KIFC3: variants seen among roughly 807,000 people sequenced by gnomAD.
KIFC3 encodes kinesin family member C3, also known as kinesin-like protein KIFC3.
KIFC3 carries 60 observed loss-of-function variants against 101.8 expected under a neutral mutation model. The ratio of observed to expected loss-of-function variants is 0.59; its 90% CI spans 0.48 to 0.73. The LOEUF (loss-of-function observed/expected upper bound fraction) is 0.73. KIFC3 is among the 30% of genes least tolerant of loss of function. The probability of loss-of-function intolerance (pLI) is 0.00; values close to 1 mark genes in which losing one functional copy is unlikely to be tolerated. For missense variants in KIFC3, 966 were observed against 1,137.1 expected (o/e 0.85, Z 2.16); for synonymous variants, 476 against 482.7 (o/e 0.99, Z 0.18).
intron 3 of KIFC3, chr16:57,785,278 A>G (rs1404154935): frequency 5.5e-6 from 1 of 182,126 alleles, no homozygotes; most frequent in Non-Finnish European, 1.2e-5. Flanking sequence ...GCATCTCAAA[A>G]GCGCATCCTC....
Position 57,785,722 on chromosome 16 carries a change from G to A in KIFC3, c.315+9277C>T, listed in dbSNP as rs560480506. The A allele has an allele frequency of 6.0e-4, 654 of 1,082,462 alleles. 2 individuals carry two copies. Among genetic ancestry groups the A allele is most frequent in the Non-Finnish European group, 6.3e-4 (532 of 841,694 alleles). 67.1% of individuals were successfully genotyped at this position (1,082,462 alleles called of 1,614,324 possible). ...CAGCAGAGGTCCCACGCTGGCAGAG[G>A]AGGGGGTCCATCACAGCAAGACAGA... is the stretch of plus-strand genomic sequence containing the variant. On this transcript the variant is annotated intron_variant, in intron 3 of 19. Coordinates refer to ENST00000445690, the MANE Select transcript of KIFC3 (RefSeq NM_001130100.2).
At chr16:57,795,663 C>A (rs548226208) in intron 2 of KIFC3, among the ~76,000 whole-genome samples, 16 of 152,278 alleles carry the variant, frequency 1.1e-4, no homozygotes, top group Admixed American at 3.3e-4. Flanking sequence ...TCTGACACAC[C>A]GCCTCCCTCA....
intron 1 of KIFC3, among the ~76,000 whole-genome samples, chr16:57,816,039 C>T (rs1164325043): frequency 1.3e-5 from 2 of 152,344 alleles, no homozygotes; most frequent in South Asian, 4.1e-4. Flanking sequence ...CCTCCTGAGG[C>T]CTCCTTGGTC....
chr16:57,786,653 G>A (rs1331057051), intron 3 of KIFC3, among the ~76,000 whole-genome samples: 1 of 152,150 alleles, frequency 6.6e-6, no homozygotes, highest in South Asian at 2.1e-4. Flanking sequence ...CCTCCACCTC[G>A]GAGCCTGGGG....
intron 1 of KIFC3, among the ~76,000 whole-genome samples, chr16:57,840,760 CAAAA>C (rs11447265): frequency 1.0e-5 from 1 of 100,108 alleles, no homozygotes. Flanking sequence ...AACTCTGTCT[CAAAA>C]AAAAAAAAAA....
Position 57,772,282 on chromosome 16 carries a change from G to A in KIFC3, c.322C>T (p.His108Tyr), listed in dbSNP as rs2148979097. 6.2e-7 allele frequency: 1 copy of A among 1,613,730 alleles called. No individual in the cohort carries two copies. The highest frequency in any genetic ancestry group is 8.5e-7 in the Non-Finnish European group (1 of 1,179,718). Reference protein sequence around the residue: ...HGLYLTLQVEHLKEKLISQAQ... With the variant: ...HGLYLTLQVEYLKEKLISQAQ... ...TGGCTAATGAGCTTCTCCTTCAGGT[G>A]TTCTACCTGTGGGCACAGAGTCAGG... Residue 108 changes from histidine to tyrosine, a missense_variant, in exon 4 of 20, where the codon CAC becomes TAC. Coordinates refer to ENST00000445690, the MANE Select transcript of KIFC3 (RefSeq NM_001130100.2).
chr16:57,783,918 A>AC (rs1362903110), intron 3 of KIFC3, among the ~76,000 whole-genome samples: 59 of 152,018 alleles, frequency 3.9e-4, no homozygotes, highest in African/African-American at 1.4e-3. Context: ...ACCCCCTGCA[A>AC]CCCCCCAAGG....
chr16:57,759,332 G>GAGGT, intron 18 of KIFC3, 179 bp from the exon 19 acceptor site: 1 of 718,570 alleles, frequency 1.4e-6, no homozygotes, highest in South Asian at 1.9e-5. Flanking sequence ...CCTCACCTAG[G>GAGGT]AGGTAGGCAA....
At chr16:57,823,790 TG>T (rs2055403584) in intron 1 of KIFC3, among the ~76,000 whole-genome samples, 1 of 151,436 alleles carries the variant, frequency 6.6e-6, no homozygotes, top group Non-Finnish European at 1.5e-5. Flanking sequence ...TGTGTGTGTG[TG>T]TGTGTGTGTG....
intron 1 of KIFC3, among the ~76,000 whole-genome samples, chr16:57,860,300 A>G (rs2056277516): frequency 6.6e-6 from 1 of 152,020 alleles, no homozygotes; most frequent in African/African-American, 2.4e-5. Flanking sequence ...CTAAAAATAC[A>G]AAATTAGCTG....
intron 10 of KIFC3, 155 bp from the exon 11 acceptor site, chr16:57,765,795 C>T (rs1410680984): frequency 1.3e-5 from 8 of 634,504 alleles, no homozygotes; most frequent in African/African-American, 5.5e-5. Flanking sequence ...AGCTGTTATC[C>T]GTCATTCACA....
chr16:57,847,819 T>C (rs1458438576), intron 1 of KIFC3, among the ~76,000 whole-genome samples: 1 of 151,074 alleles, frequency 6.6e-6, no homozygotes, highest in Non-Finnish European at 1.5e-5. Context: ...CGAGTCTCAC[T>C]CTGTTGCCCA....
rs1445400431 is a variant in KIFC3 at position 57,760,119 on chromosome 16, G to A, written c.2367+163C>T. On this transcript the variant is annotated intron_variant, in intron 17 of 19. Transcript: ENST00000445690. ...GAGGCCAAGAAGAAATACCTGTACTGAAGAGGCTGCTGGCTGTGGGTTCCA... is the reference window on the plus strand; with the variant it reads ...GAGGCCAAGAAGAAATACCTGTACTAAAGAGGCTGCTGGCTGTGGGTTCCA... 14 of 851,124 alleles carry A rather than the reference G, an allele frequency of 1.6e-5. No individual in the cohort carries two copies. The Admixed American group carries it at 3.3e-4, about 20-fold the overall frequency. The allele number at this position is 851,124 out of a possible 1,614,324, so 52.7% of individuals were successfully genotyped here.
In KIFC3 at chr16:57,771,616, C is replaced by T. The variant is rs782436506; in HGVS notation, c.452G>A (p.Arg151Gln). 4.3e-6 allele frequency: 7 copies of T among 1,613,338 alleles called. No homozygotes were observed. In the Admixed American group the frequency reaches 6.7e-5, roughly 15 times the overall value. Residue 151 changes from arginine to glutamine, a missense_variant, in exon 5 of 20, where the codon CGG becomes CAG. This residue lies in a region of KIFC3 where 277 missense variants were observed against 252.5 expected (regional missense o/e 1.10). Coordinates refer to ENST00000445690, the MANE Select transcript of KIFC3 (RefSeq NM_001130100.2). ...CTCTTGCAGCTCGGCCTCACAGCGC[C>T]GCATCTCCTGCCTCAGTCGCTCATT... Reference protein sequence around the residue: ...VENERLRQEMRRCEAELQELR... With the variant: ...VENERLRQEMQRCEAELQELR...
chr16:57,812,236 G>T (rs977719715), intron 1 of KIFC3, among the ~76,000 whole-genome samples: 7 of 151,560 alleles, frequency 4.6e-5, no homozygotes, highest in Non-Finnish European at 1.0e-4. Context: ...TAGAGATGGG[G>T]TTTCGCCGTG....
intron 4 of KIFC3, 68 bp from the exon 5 acceptor site, chr16:57,771,754 C>T (rs984484115): frequency 6.5e-6 from 10 of 1,533,750 alleles, no homozygotes; most frequent in South Asian, 1.2e-5. Flanking sequence ...AAGAGAGGCC[C>T]GCGGAGATGG....
chr16:57,803,478 T>G (rs751767218), upstream of KIFC3: 61 of 446,758 alleles, frequency 1.4e-4, no homozygotes, highest in Admixed American at 1.4e-3. Flanking sequence ...GGGCGGGTAC[T>G]CTGTCCCTTC....
chr16:57,758,757 C>CTCA lies in KIFC3; in HGVS notation c.*174_*176dup. The CTCA allele has an allele frequency of 9.8e-7, 1 of 1,015,792 alleles. No homozygotes were observed. Among genetic ancestry groups the CTCA allele is most frequent in the African/African-American group, 1.6e-5 (1 of 63,930 alleles). The allele number at this position is 1,015,792 out of a possible 1,614,324, so 62.9% of individuals were successfully genotyped here. A position where few individuals can be genotyped will look rare whatever the true frequency, so the allele number is the denominator to read the frequency against. On this transcript the variant is annotated 3_prime_UTR_variant, in exon 20 of 20. Transcript: ENST00000445690. ...ACACCGTTTCCTTCTGAACATGTTTCTCATCTTTGAGGGGAGACGGGGCAG... is the reference window on the plus strand; with the variant it reads ...ACACCGTTTCCTTCTGAACATGTTTCTCATCATCTTTGAGGGGAGACGGGGCAG...
At chr16:57,862,823 T>A (rs1411993233) in exon 1 of KIFC3, 7 of 1,288,458 alleles carry the variant, frequency 5.4e-6, no homozygotes, top group African/African-American at 1.5e-5. Context: ...GAAAAGAAAC[T>A]CCATCTGTGC....
Sources: allele counts gnomAD v4.1 joint callset (sites outside exome capture counted in the v4.1 genomes callset), GRCh38; gene constraint gnomAD v4.1.1; regional missense constraint gnomAD v4.1.1; transcripts MANE v1.5; gene names NCBI Gene and HGNC (gene_info 2026-07-23, HGNC 2026-07-21).